Variants in FANCB observed in about 807,000 individuals in gnomAD.
FANCB encodes FA complementation group B, also known as Fanconi anemia group B protein.
A neutral mutation model predicts 38.9 loss-of-function variants in FANCB; 5 were observed. That is an observed-to-expected ratio of 0.13 (90% confidence interval 0.07 to 0.27). The LOEUF (loss-of-function observed/expected upper bound fraction) is 0.27. Among genes scored for constraint, FANCB ranks in the 10% least tolerant of loss-of-function variants. The pLI is 1.00. For missense variants in FANCB, 573 were observed against 602.7 expected, an observed-to-expected ratio of 0.95 and a Z score of 0.52; for synonymous variants, 236 against 215.4, an observed-to-expected ratio of 1.10 and a Z score of -0.84.
chrX:14,782,479 C>T, the FANCB span, among the ~76,000 whole-genome samples: 1 of 112,383 alleles, frequency 8.9e-6, no homozygotes, highest in East Asian at 2.8e-4. Context: ...GAGACTCTGA[C>T]CACTGTCAGT....
At chrX:14,752,234 C>T in the FANCB span, among the ~76,000 whole-genome samples, 4 of 111,731 alleles carry the variant, frequency 3.6e-5, no homozygotes, top group African/African-American at 9.8e-5. Context: ...AGCCTGGTTT[C>T]CACAGGGGTA....
chrX:14,843,916 A>G lies in FANCB; in HGVS notation c.2231T>C (p.Leu744Pro). 1 of 1,202,341 alleles carries G rather than the reference A, an allele frequency of 8.3e-7. No individual in the cohort carries two copies. The highest frequency in any genetic ancestry group is 1.1e-6 in the Non-Finnish European group (1 of 887,912). The change falls in exon 10 of 10, where the codon CTC becomes CCC. Residue 744 changes from leucine (L) to proline (P), a missense_variant. Leu to Pro is a moderately conservative substitution (Grantham distance 98, BLOSUM62 -3). Transcript: ENST00000650831. ...CTCACTTCCTGATTTTAGATTTTTG[A>G]GGAAACAGTTTATAGGGAGAATTCT... ...LIRILPINCF[L>P]KNLKSGSENF...
the FANCB span, among the ~76,000 whole-genome samples, chrX:14,786,631 TAAAAG>T: frequency 9.0e-6 from 1 of 111,564 alleles, no homozygotes; most frequent in African/African-American, 3.3e-5. Flanking sequence ...AAAGTGCACT[TAAAAG>T]AAAATTTTCC....
the FANCB span, among the ~76,000 whole-genome samples, chrX:14,754,387 G>A: frequency 4.0e-4 from 45 of 112,095 alleles, no homozygotes; most frequent in East Asian, 0.011. Context: ...GAGACTGAAT[G>A]ATGGCCACAG....
chrX:14,871,653 T>A (rs1054659557), intron 1 of FANCB, among the ~76,000 whole-genome samples: 10 of 110,409 alleles, frequency 9.1e-5, no homozygotes, highest in Non-Finnish European at 1.7e-4. Flanking sequence ...TATATATATA[T>A]AATCATGGTT....
chrX:14,767,091 G>C, the FANCB span, among the ~76,000 whole-genome samples: 1 of 111,859 alleles, frequency 8.9e-6, no homozygotes, highest in East Asian at 2.8e-4. Context: ...TAGTTTCCTT[G>C]ATGGGCATTT....
chrX:14,835,469 A>C (rs2092338788), downstream of FANCB: 25 of 295,762 alleles, frequency 8.5e-5, no homozygotes, highest in South Asian at 9.6e-4. Context: ...GTAGAGCAGC[A>C]GTTCTCAAAC....
At chrX:14,762,973 G>A in the FANCB span, among the ~76,000 whole-genome samples, 26 of 112,277 alleles carry the variant, frequency 2.3e-4, no homozygotes, top group African/African-American at 8.1e-4. Context: ...TTGTGGGGCA[G>A]TGAGTAATCT....
chrX:14,716,151 G>T, the FANCB span, among the ~76,000 whole-genome samples: 4 of 111,160 alleles, frequency 3.6e-5, no homozygotes, highest in South Asian at 1.5e-3. Context: ...CTACTCCCTG[G>T]TTGGGAAGAA....
the FANCB span, among the ~76,000 whole-genome samples, chrX:14,780,715 A>T: frequency 9.0e-6 from 1 of 110,715 alleles, no homozygotes; most frequent in Non-Finnish European, 1.9e-5. Context: ...ATATTACACA[A>T]ATAATGGGTA....
chrX:14,743,576 C>CT, the FANCB span, among the ~76,000 whole-genome samples: 107 of 92,021 alleles, frequency 1.2e-3, 1 homozygote, highest in East Asian at 4.5e-3. Flanking sequence ...GTATTTCTTT[C>CT]TTTTTTTTTT....
At chrX:14,848,221 A>T (rs1391680103) in intron 7 of FANCB, among the ~76,000 whole-genome samples, 1 of 112,148 alleles carries the variant, frequency 8.9e-6, no homozygotes, top group East Asian at 2.8e-4. Context: ...AGGATTGCAT[A>T]AAGACAATGC....
At chrX:14,758,342 C>T in the FANCB span, among the ~76,000 whole-genome samples, 281 of 111,995 alleles carry the variant, frequency 2.5e-3, 1 homozygote, top group Middle Eastern at 4.6e-3. Context: ...CTCCACCCAC[C>T]GTCTCATCCT....
At chrX:14,747,297 T>TAC in the FANCB span, among the ~76,000 whole-genome samples, 1 of 111,916 alleles carries the variant, frequency 8.9e-6, no homozygotes, top group Non-Finnish European at 1.9e-5. Flanking sequence ...AATTCTAGAG[T>TAC]ACAGAATTTT....
At chrX:14,857,830 T>A in intron 5 of FANCB, 32 bp downstream of exon 5, 2 of 955,489 alleles carry the variant, frequency 2.1e-6, no homozygotes, top group Non-Finnish European at 3.0e-6. Context: ...ATAACACTAA[T>A]CGAAAAGCAA....
At chrX:14,693,022 C>T in the FANCB span, among the ~76,000 whole-genome samples, 132 of 105,003 alleles carry the variant, frequency 1.3e-3, no homozygotes, top group Non-Finnish European at 2.3e-3. Flanking sequence ...TGCACATGTA[C>T]CCTAAAACTT....
chrX:14,817,976 A>G, the FANCB span, among the ~76,000 whole-genome samples: 1 of 111,689 alleles, frequency 9.0e-6, no homozygotes, highest in Admixed American at 9.6e-5. Flanking sequence ...ACATAAATAT[A>G]TATTTTAAAT....
At chrX:14,692,297 G>C in the FANCB span, among the ~76,000 whole-genome samples, 1 of 112,243 alleles carries the variant, frequency 8.9e-6, no homozygotes, top group Non-Finnish European at 1.9e-5. Context: ...CTGCCTCCCT[G>C]TTGGTGCTAA....
chrX:14,700,196 G>C, the FANCB span, among the ~76,000 whole-genome samples: 4 of 111,694 alleles, frequency 3.6e-5, no homozygotes, highest in African/African-American at 1.3e-4. Flanking sequence ...GGACAGACAT[G>C]CTGAGAAGTC....
Sources: gnomAD v4.1 joint callset for allele counts (sites outside exome capture counted in the v4.1 genomes callset) on GRCh38, gnomAD v4.1.1 for gene constraint, MANE v1.5 for transcripts, NCBI Gene and HGNC (gene_info 2026-07-23, HGNC 2026-07-21) for gene names.